BLM: variants seen among roughly 807,000 people sequenced by gnomAD.
The protein encoded by BLM is BLM RecQ like helicase.
Under a neutral mutation model 135.3 loss-of-function variants are expected in BLM, and 95 were observed. That is an observed-to-expected ratio of 0.70 (90% CI 0.59 to 0.83). The LOEUF is 0.83. Ranked by LOEUF, BLM falls within the 40% of genes least tolerant of loss-of-function variation. BLM has a pLI of 0.00. For synonymous variants in BLM, 520 were observed against 589.2 expected, an observed-to-expected ratio of 0.88 and a Z score of 1.70; for missense variants, 1,518 against 1,663.9, an observed-to-expected ratio of 0.91 and a Z score of 1.53.
chr15:90,808,967 C>G, intron 19 of BLM, 170 bp from the exon 20 acceptor site: 2 of 834,744 alleles, frequency 2.4e-6, no homozygotes, highest in Non-Finnish European at 3.9e-6. Flanking sequence ...CTGTGCCTGT[C>G]TGCTGCCTCT....
intron 13 of BLM, among the ~76,000 whole-genome samples, chr15:90,783,386 A>G (rs955910522): frequency 1.5e-4 from 23 of 152,324 alleles, no homozygotes; most frequent in African/African-American, 5.3e-4. Context: ...ATTAGTATAC[A>G]TATTTGTGTG....
intron 1 of BLM, among the ~76,000 whole-genome samples, chr15:90,734,308 G>A (rs1895144094): frequency 6.8e-6 from 1 of 146,326 alleles, no homozygotes; most frequent in Non-Finnish European, 1.5e-5. Context: ...TTTTTTTTGA[G>A]ATGGAGTCTC....
At chr15:90,783,643 T>TA (rs1404785137) in intron 13 of BLM, among the ~76,000 whole-genome samples, 28 of 152,346 alleles carry the variant, frequency 1.8e-4, no homozygotes, top group African/African-American at 6.7e-4. Context: ...TTCACGCCTG[T>TA]AATCTCAGCA....
chr15:90,803,659 AG>A lies in BLM; in HGVS notation c.3499del (p.Ala1167ArgfsTer5), dbSNP rs1555424305. ...GACTTATATATCAATGCCAATGACC[AG>A]GCGATCGCTTATGTGATGCTCGGAA... The part of the protein sequence containing the change: ...DEDLYINAND[Q>X]AIAYVMLGNK... On this transcript the variant is annotated frameshift_variant, in exon 18 of 22. Coordinates refer to ENST00000355112, the MANE Select transcript of BLM (RefSeq NM_000057.4). LOFTEE classifies it high-confidence loss of function. The A allele has an allele frequency of 6.2e-7, 1 of 1,614,200 alleles. No homozygotes were observed. The highest frequency in any genetic ancestry group is 8.5e-7 in the Non-Finnish European group (1 of 1,180,024).
intron 13 of BLM, among the ~76,000 whole-genome samples, chr15:90,783,852 C>T (rs1896676160): frequency 6.6e-6 from 1 of 152,146 alleles, no homozygotes; most frequent in Non-Finnish European, 1.5e-5. Context: ...GATCGTGCCA[C>T]TGCACTCCGG....
chr15:90,727,843 C>T (rs1285966787), intron 1 of BLM, among the ~76,000 whole-genome samples: 1 of 151,840 alleles, frequency 6.6e-6, no homozygotes, highest in East Asian at 1.9e-4. Flanking sequence ...ACACTGAGTC[C>T]CATGAGTTCT....
chr15:90,761,532 T>C (rs1895988083), intron 7 of BLM, among the ~76,000 whole-genome samples: 1 of 152,232 alleles, frequency 6.6e-6, no homozygotes, highest in African/African-American at 2.4e-5. Flanking sequence ...CATTTTTTAG[T>C]TCCTAAAACA....
Position 90,754,933 on chromosome 15 carries a change from G to C in BLM, c.1082G>C (p.Cys361Ser). 1 of 1,613,724 alleles carries C rather than the reference G, an allele frequency of 6.2e-7. No homozygotes were observed. Among genetic ancestry groups the C allele is most frequent in the South Asian group, 1.1e-5 (1 of 91,058 alleles). Reference sequence around the variant, plus strand: ...CTGAATCCAGAAACCAGCACAGACTGTGACGGTACAAGCAATATTTTAGAC... The same window carrying C: ...CTGAATCCAGAAACCAGCACAGACTCTGACGGTACAAGCAATATTTTAGAC... Reference protein sequence around the residue: ...QELNPETSTDCDARQISLQQQ... With the variant: ...QELNPETSTDSDARQISLQQQ... The change falls in exon 5 of 22, where the codon TGT (cysteine) becomes TCT (serine). Residue 361 changes from cysteine (C) to serine (S), a missense_variant. By Grantham distance (112) the Cys-to-Ser change is moderately radical. This residue lies in a region of BLM where 724 missense variants were observed against 756.9 expected (regional missense o/e 0.96). Coordinates refer to ENST00000355112, the MANE Select transcript of BLM (RefSeq NM_000057.4).
intron 12 of BLM, among the ~76,000 whole-genome samples, chr15:90,774,464 A>G (rs1191988162): frequency 6.6e-6 from 1 of 151,910 alleles, no homozygotes; most frequent in Non-Finnish European, 1.5e-5. Context: ...TTTTTATTAC[A>G]GCTATATGAA....
intron 19 of BLM, among the ~76,000 whole-genome samples, chr15:90,806,465 C>T (rs549796815): frequency 5.5e-4 from 81 of 148,544 alleles, no homozygotes; most frequent in Middle Eastern, 3.5e-3. Flanking sequence ...GAGCCAAGAT[C>T]GTGCCACTGC....
At chr15:90,788,659 A>G (rs1428719674) in intron 14 of BLM, among the ~76,000 whole-genome samples, 2 of 152,062 alleles carry the variant, frequency 1.3e-5, no homozygotes, top group African/African-American at 4.8e-5. Flanking sequence ...ATGTAAAAAC[A>G]ATACATGATA....
At chr15:90,807,477 G>A (rs1439232972) in intron 19 of BLM, among the ~76,000 whole-genome samples, 1 of 152,092 alleles carries the variant, frequency 6.6e-6, no homozygotes, top group Non-Finnish European at 1.5e-5. Context: ...ACAGCTCACT[G>A]CAGCCTAGAC....
At chr15:90,760,095 C>CT (rs760264310) in intron 5 of BLM, 52 bp from the exon 6 acceptor site, 36,219 of 1,106,074 alleles carry the variant, frequency 0.033, no homozygotes, top group Non-Finnish European at 0.038. Context: ...CTAGCCAAGA[C>CT]TTTTTTTTTT....
At chr15:90,782,378 ACT>A (rs1332491213) in intron 12 of BLM, among the ~76,000 whole-genome samples, 1 of 151,948 alleles carries the variant, frequency 6.6e-6, no homozygotes, top group African/African-American at 2.4e-5. Context: ...ACAGAGTGAG[ACT>A]CTGTCTCAAA....
intron 1 of BLM, among the ~76,000 whole-genome samples, chr15:90,726,284 T>A (rs1037063345): frequency 1.3e-5 from 2 of 152,196 alleles, no homozygotes; most frequent in African/African-American, 4.8e-5. Flanking sequence ...TTTCCTTTTT[T>A]TGAGATGAAG....
rs1032746564 is a variant in BLM, at chr15:90,785,042, T to C, written c.2784T>C (p.Asp928=). ...YHAGLSDSAR[D]EVQQKWINQD... ...CTGGCCTCAGTGATTCTGCCAGAGA[T>C]GAAGTGCAGCAGAAGTGGATTAATC... Residue 928 remains aspartate, a synonymous_variant, in exon 14 of 22, where the codon GAT becomes GAC. Coordinates refer to ENST00000355112, the MANE Select transcript of BLM (RefSeq NM_000057.4). The C allele has an allele frequency of 3.7e-6, 6 of 1,613,998 alleles. No homozygotes were observed. Among genetic ancestry groups the C allele is most frequent in the Non-Finnish European group, 2.5e-6 (3 of 1,180,030 alleles).
rs1351404875 is a variant in BLM at position 90,754,843 on chromosome 15, A to C, written c.992A>C (p.Lys331Thr). 3.1e-6 allele frequency: 5 copies of C among 1,613,828 alleles called. No individual in the cohort carries two copies. In the Admixed American group the frequency reaches 8.3e-5, roughly 27 times the overall value. ...TLKDLDTSDR[K>T]EDVLSTSKDL... ...AAGGACCTTGACACCTCTGACAGAA[A>C]AGAGGATGTTCTTAGCACATCAAAA... The change falls in exon 5 of 22, where the codon AAA (lysine) becomes ACA (threonine). Residue 331 changes from lysine to threonine, a missense_variant. Physicochemically the swap from Lys to Thr is moderately conservative, Grantham distance 78. Around this residue, in one of 5 missense-constraint regions of BLM, gnomAD observed 724 missense variants for 756.9 expected, o/e 0.96. Coordinates refer to ENST00000355112, the MANE Select transcript of BLM (RefSeq NM_000057.4).
rs1478497820 is a variant in BLM, at chr15:90,769,432, A to T, written c.2407-6A>T. 2 of 1,613,722 alleles carry T rather than the reference A, an allele frequency of 1.2e-6. No individual in the cohort carries two copies. Among genetic ancestry groups the T allele is most frequent in the Non-Finnish European group, 1.7e-6 (2 of 1,179,906 alleles). On this transcript the variant is annotated splice_region_variant and splice_polypyrimidine_tract_variant and intron_variant, in intron 11 of 21. Coordinates refer to ENST00000355112, the MANE Select transcript of BLM (RefSeq NM_000057.4). ...TCTGAAAAGCAGTATTTTTTTTTCC[A>T]ACTAGTGGGGACATGATTTTCGTCA...
At chr15:90,741,398 C>T (rs939905829) in intron 1 of BLM, among the ~76,000 whole-genome samples, 1 of 152,068 alleles carries the variant, frequency 6.6e-6, no homozygotes, top group African/African-American at 2.4e-5. Context: ...AATTTTTTGG[C>T]TTTCTCAAAT....
Sources: allele counts gnomAD v4.1 joint callset (sites outside exome capture counted in the v4.1 genomes callset), GRCh38; gene constraint gnomAD v4.1.1; regional missense constraint gnomAD v4.1.1; transcripts MANE v1.5; gene names NCBI Gene and HGNC (gene_info 2026-07-23, HGNC 2026-07-21).